Variants in DOCK7 observed in about 807,000 individuals in gnomAD.
DOCK7 encodes the protein dedicator of cytokinesis protein 7.
Under a neutral mutation model 271.0 loss-of-function variants are expected in DOCK7, and 138 were observed. The ratio of observed to expected loss-of-function variants is 0.51; its 90% CI spans 0.44 to 0.59. The LOEUF (loss-of-function observed/expected upper bound fraction) is 0.59. Ranked by LOEUF, DOCK7 falls within the 20% of genes least tolerant of loss-of-function variation. The pLI, the probability that DOCK7 is intolerant of heterozygous loss-of-function variation, is 0.00. For synonymous variants in DOCK7, 823 were observed against 876.1 expected (o/e 0.94, Z 1.07); for missense variants, 2,066 against 2,592.4 (o/e 0.80, Z 4.41).
At chr1:62,647,068 T>C (rs1289584214) in intron 7 of DOCK7, among the ~76,000 whole-genome samples, 1 of 152,230 alleles carries the variant, frequency 6.6e-6, no homozygotes, top group Non-Finnish European at 1.5e-5. Flanking sequence ...GCCAGAATTA[T>C]ATATAGACAT....
At chr1:62,540,416 C>A (rs11207981) in intron 25 of DOCK7, among the ~76,000 whole-genome samples, 88,005 of 151,848 alleles carry the variant, frequency 0.58, 27,286 homozygotes, top group East Asian at 0.76. Flanking sequence ...CAAGTGTTTC[C>A]TCTGCCTCGG....
intron 30 of DOCK7, 33 bp from the exon 31 acceptor site, chr1:62,528,338 A>G (rs1404046394): frequency 1.3e-6 from 2 of 1,566,266 alleles, no homozygotes; most frequent in African/African-American, 2.7e-5. Flanking sequence ...AATAAATAAA[A>G]CTGTTTAGCT....
chr1:62,598,159 T>A, intron 14 of DOCK7: 2 of 1,128,028 alleles, frequency 1.8e-6, no homozygotes, highest in Non-Finnish European at 2.4e-6. Context: ...CTTTGTTGCA[T>A]TGTTGAAATA....
intron 31 of DOCK7, among the ~76,000 whole-genome samples, chr1:62,520,317 C>A (rs1225209094): frequency 2.6e-5 from 4 of 152,084 alleles, no homozygotes; most frequent in African/African-American, 7.2e-5. Flanking sequence ...AACAGGCAAC[C>A]TATAGAATGG....
At chr1:62,552,980 A>G (rs1645961453) in intron 21 of DOCK7, 79 bp from the exon 22 acceptor site, 1 of 1,112,872 alleles carries the variant, frequency 9.0e-7, no homozygotes, top group Admixed American at 3.0e-5. Flanking sequence ...CTGCCACTTT[A>G]GAAAATTCCA....
At chr1:62,686,903 C>T (rs1371054799) in intron 1 of DOCK7, among the ~76,000 whole-genome samples, 1 of 151,366 alleles carries the variant, frequency 6.6e-6, no homozygotes, top group Non-Finnish European at 1.5e-5. Flanking sequence ...GCCTCTGCCT[C>T]GAAAGCAGCT....
chr1:62,528,356 T>A, intron 30 of DOCK7, 51 bp from the exon 31 acceptor site: 1 of 1,502,900 alleles, frequency 6.7e-7, no homozygotes, highest in South Asian at 1.2e-5. Context: ...GCTGAACTAA[T>A]TCCCTTTCCT....
chr1:62,599,597 T>C (rs1649811618), intron 14 of DOCK7, among the ~76,000 whole-genome samples: 1 of 152,124 alleles, frequency 6.6e-6, no homozygotes, highest in South Asian at 2.1e-4. Context: ...ACAGGGATTT[T>C]TTCCATTATC....
chr1:62,629,299 A>G (rs1051603380), intron 11 of DOCK7: 20 of 152,242 alleles, frequency 1.3e-4, no homozygotes, highest in African/African-American at 4.3e-4. Flanking sequence ...ATGACGTTTC[A>G]ACACTATGAA....
At chr1:62,583,312 A>G in intron 15 of DOCK7, 58 bp from the exon 16 acceptor site, 1 of 1,450,374 alleles carries the variant, frequency 6.9e-7, no homozygotes, top group Non-Finnish European at 9.6e-7. Context: ...ATGTTTCATA[A>G]CTATGTAAGA....
intron 14 of DOCK7, among the ~76,000 whole-genome samples, chr1:62,587,644 T>C (rs1371389979): frequency 6.6e-6 from 1 of 152,148 alleles, no homozygotes; most frequent in Non-Finnish European, 1.5e-5. Context: ...TTAATTAAGA[T>C]ACCTTAATAA....
chr1:62,607,120 C>A (rs555891736), intron 14 of DOCK7, among the ~76,000 whole-genome samples: 1 of 152,088 alleles, frequency 6.6e-6, no homozygotes, highest in African/African-American at 2.4e-5. Context: ...ACAGGAGAAT[C>A]GCTTGAACCC....
intron 49 of DOCK7, 53 bp from the exon 50 acceptor site, chr1:62,455,509 T>C (rs575776554): frequency 6.6e-7 from 1 of 1,518,330 alleles, no homozygotes. Flanking sequence ...TTTTTGCATA[T>C]ACCTTTAAAT....
intron 37 of DOCK7, among the ~76,000 whole-genome samples, chr1:62,502,300 T>G (rs1017552890): frequency 2.6e-5 from 4 of 152,170 alleles, no homozygotes; most frequent in African/African-American, 9.7e-5. Flanking sequence ...AGGCAGCCAA[T>G]GGAAGCAACC....
chr1:62,473,709 G>A (rs1054742198), intron 48 of DOCK7, among the ~76,000 whole-genome samples: 3 of 151,674 alleles, frequency 2.0e-5, no homozygotes, highest in African/African-American at 4.8e-5. Flanking sequence ...TCAGCCTCCC[G>A]AGTAGCTGGC....
At chr1:62,551,198 T>C (rs1645892597) in intron 22 of DOCK7, among the ~76,000 whole-genome samples, 1 of 152,042 alleles carries the variant, frequency 6.6e-6, no homozygotes, top group African/African-American at 2.4e-5. Context: ...GAGAACAAAA[T>C]ACATGAAATT....
chr1:62,560,246 C>T (rs1048632408), intron 19 of DOCK7, among the ~76,000 whole-genome samples: 37 of 152,170 alleles, frequency 2.4e-4, no homozygotes, highest in Non-Finnish European at 7.3e-5. Context: ...CTCCACACCA[C>T]CCTTTCTGTG....
chr1:62,542,478 T>C (rs573865328), intron 25 of DOCK7, 130 bp downstream of exon 25: 1 of 772,628 alleles, frequency 1.3e-6, no homozygotes, highest in Admixed American at 3.0e-5. Flanking sequence ...ACATGTAATT[T>C]TGTCTTAGAG....
intron 14 of DOCK7, chr1:62,605,755 A>C (rs1650899111): frequency 6.6e-6 from 1 of 152,402 alleles, no homozygotes; most frequent in Non-Finnish European, 1.5e-5. Context: ...TATATGTTTA[A>C]AATTCAATAA....
Sources: gnomAD v4.1 joint callset for allele counts (sites outside exome capture counted in the v4.1 genomes callset) on GRCh38, gnomAD v4.1.1 for gene constraint, MANE v1.5 for transcripts, NCBI Gene and HGNC (gene_info 2026-07-23, HGNC 2026-07-21) for gene names.